NLGN1: variants seen among roughly 807,000 people sequenced by gnomAD.
NLGN1 encodes the protein neuroligin-1.
In NLGN1, 12 loss-of-function variants were observed where a neutral mutation model predicts 65.5. The ratio of observed to expected loss-of-function variants is 0.18; its 90% CI spans 0.12 to 0.30. The LOEUF is 0.30. Ranked by LOEUF, NLGN1 falls within the 10% of genes least tolerant of loss-of-function variation. NLGN1 has a pLI of 1.00. For synonymous variants in NLGN1, 350 were observed against 359.5 expected, an observed-to-expected ratio of 0.97 and a Z score of 0.30; for missense variants, 750 against 1,007.1, an observed-to-expected ratio of 0.74 and a Z score of 3.46.
chr3:173,762,965 T>TACACAC (rs111427276), intron 3 of NLGN1, among the ~76,000 whole-genome samples: 3,337 of 143,314 alleles, frequency 0.023, 56 homozygotes, highest in South Asian at 0.051. Flanking sequence ...TTGTCTCTGA[T>TACACAC]ACACACACAC....
At chr3:173,487,752 A>G (rs1343855272) in intron 2 of NLGN1, among the ~76,000 whole-genome samples, 1 of 152,016 alleles carries the variant, frequency 6.6e-6, no homozygotes, top group African/African-American at 2.4e-5. Context: ...ATGTGAAATC[A>G]ATGCAACTAT....
At chr3:174,234,962 G>T (rs1741409881) in intron 4 of NLGN1, among the ~76,000 whole-genome samples, 2 of 118,300 alleles carry the variant, frequency 1.7e-5, no homozygotes, top group African/African-American at 3.4e-5. Flanking sequence ...ATCCTTCTGA[G>T]CTTTGTAAAA....
chr3:173,739,039 G>C (rs893322001), intron 3 of NLGN1, among the ~76,000 whole-genome samples: 3 of 151,976 alleles, frequency 2.0e-5, no homozygotes, highest in African/African-American at 7.2e-5. Flanking sequence ...TAAACCTTGA[G>C]TTGTCTAGGA....
intron 4 of NLGN1, among the ~76,000 whole-genome samples, chr3:174,263,699 G>GT (rs938237552): frequency 1.3e-4 from 20 of 151,814 alleles, no homozygotes; most frequent in Middle Eastern, 3.4e-3. Context: ...AGTTAATATT[G>GT]TTATGTGTGA....
chr3:173,469,161 A>G (rs1724888594), intron 2 of NLGN1, among the ~76,000 whole-genome samples: 2 of 152,138 alleles, frequency 1.3e-5, no homozygotes, highest in African/African-American at 2.4e-5. Flanking sequence ...CTTAATTTTT[A>G]AATTTTTTCC....
chr3:174,245,309 C>T (rs1465474011), intron 4 of NLGN1, among the ~76,000 whole-genome samples: 1 of 152,036 alleles, frequency 6.6e-6, no homozygotes, highest in Non-Finnish European at 1.5e-5. Context: ...TCCTACATAG[C>T]TATTTTTGTT....
At chr3:173,935,183 A>G (rs1036165360) in intron 4 of NLGN1, among the ~76,000 whole-genome samples, 1 of 151,854 alleles carries the variant, frequency 6.6e-6, no homozygotes, top group African/African-American at 2.4e-5. Flanking sequence ...TTTTGCATCA[A>G]ATCCAACCTG....
At chr3:174,177,946 A>C (rs1323045104) in intron 4 of NLGN1, among the ~76,000 whole-genome samples, 1 of 152,100 alleles carries the variant, frequency 6.6e-6, no homozygotes, top group Non-Finnish European at 1.5e-5. Flanking sequence ...AAGTGATAAG[A>C]GCATCAGTTC....
chr3:174,155,068 TTA>T (rs1266486533), intron 4 of NLGN1, among the ~76,000 whole-genome samples: 1 of 118,450 alleles, frequency 8.4e-6, no homozygotes, highest in Non-Finnish European at 1.6e-5. Flanking sequence ...TATAAAATAT[TTA>T]TATTATTTTA....
At chr3:173,464,453 G>A (rs1332267549) in intron 2 of NLGN1, among the ~76,000 whole-genome samples, 1 of 60,286 alleles carries the variant, frequency 1.7e-5, no homozygotes, top group Non-Finnish European at 4.2e-5. Flanking sequence ...TTTTTTTTTG[G>A]AGATGGAGTT....
At chr3:173,990,015 T>A (rs1720768565) in intron 4 of NLGN1, among the ~76,000 whole-genome samples, 1 of 152,158 alleles carries the variant, frequency 6.6e-6, no homozygotes, top group Non-Finnish European at 1.5e-5. Context: ...ATAATCATGA[T>A]CCATCCTCAG....
intron 4 of NLGN1, among the ~76,000 whole-genome samples, chr3:174,149,007 A>G (rs11927722): frequency 0.31 from 46,489 of 152,018 alleles, 8,360 homozygotes; most frequent in East Asian, 0.58. Context: ...ATGTGTGCTA[A>G]TGTTCTGGTC....
intron 4 of NLGN1, among the ~76,000 whole-genome samples, chr3:174,234,167 G>A (rs995028227): frequency 6.6e-6 from 1 of 152,148 alleles, no homozygotes; most frequent in Admixed American, 6.5e-5. Flanking sequence ...AAGTTTTAGA[G>A]TAGGAGTGAA....
intron 3 of NLGN1, among the ~76,000 whole-genome samples, chr3:173,617,055 C>A (rs572166422): frequency 2.6e-4 from 40 of 152,236 alleles, no homozygotes; most frequent in African/African-American, 9.4e-4. Context: ...CAACCTCCAT[C>A]CTACCTCAGG....
chr3:173,859,773 T>G (rs2150791293), intron 4 of NLGN1, among the ~76,000 whole-genome samples: 1 of 152,220 alleles, frequency 6.6e-6, no homozygotes, highest in South Asian at 2.1e-4. Flanking sequence ...GAAATTATTA[T>G]TCAAGATTGT....
At chr3:173,862,397 T>G (rs1407066601) in intron 4 of NLGN1, among the ~76,000 whole-genome samples, 6 of 148,066 alleles carry the variant, frequency 4.1e-5, no homozygotes, top group African/African-American at 7.5e-5. Context: ...TCCCAGCTAC[T>G]TGGGAGGCTG....
chr3:173,476,799 G>A (rs753092550), intron 2 of NLGN1, among the ~76,000 whole-genome samples: 4 of 152,116 alleles, frequency 2.6e-5, no homozygotes, highest in East Asian at 1.9e-4. Context: ...GAACATTTCA[G>A]TATATTACAA....
chr3:173,792,454 C>G (rs1490751311), intron 3 of NLGN1, among the ~76,000 whole-genome samples: 1 of 152,102 alleles, frequency 6.6e-6, no homozygotes. Context: ...CCTTTCTTTT[C>G]AATGTGAAAT....
intron 3 of NLGN1, among the ~76,000 whole-genome samples, chr3:173,723,261 A>G (rs1771164179): frequency 6.6e-6 from 1 of 152,252 alleles, no homozygotes; most frequent in South Asian, 2.1e-4. Context: ...ACTGCATGTT[A>G]TCAAATTTAA....
Sources: allele counts gnomAD v4.1 joint callset (sites outside exome capture counted in the v4.1 genomes callset), GRCh38; gene constraint gnomAD v4.1.1; transcripts MANE v1.5; gene names NCBI Gene and HGNC (gene_info 2026-07-23, HGNC 2026-07-21).